Variants in KIF26B observed in about 807,000 individuals in gnomAD.
KIF26B encodes the protein kinesin-like protein KIF26B.
Under a neutral mutation model 151.2 loss-of-function variants are expected in KIF26B, and 63 were observed. The observed-to-expected ratio is 0.42, with a 90% confidence interval of 0.34 to 0.51. KIF26B has a LOEUF of 0.51. KIF26B is among the 20% of genes least tolerant of loss of function. The pLI, the probability that KIF26B is intolerant of heterozygous loss-of-function variation, is 0.07. For synonymous variants in KIF26B, 1,357 were observed against 1,262.1 expected, an observed-to-expected ratio of 1.08 and a Z score of -1.59; for missense variants, 2,813 against 2,913.6, an observed-to-expected ratio of 0.97 and a Z score of 0.79.
intron 9 of KIF26B, among the ~76,000 whole-genome samples, chr1:245,622,794 C>T (rs2043678462): frequency 6.6e-6 from 1 of 152,138 alleles, no homozygotes; most frequent in South Asian, 2.1e-4. Context: ...GGAGGAGCAG[C>T]ATTCCGCTGC....
chr1:245,436,610 AC>A (rs1450046782), intron 4 of KIF26B, among the ~76,000 whole-genome samples: 1 of 152,114 alleles, frequency 6.6e-6, no homozygotes, highest in East Asian at 1.9e-4. Flanking sequence ...GATGAGGCCC[AC>A]CCACATGAAT....
chr1:245,178,165 G>A lies in KIF26B; in HGVS notation c.465+21482G>A, dbSNP rs868147840. 3.3e-5 allele frequency among the ~76,000 whole-genome samples: 5 copies of A among 152,234 alleles called. No homozygotes were observed. The South Asian group carries it at 8.3e-4, about 25-fold the overall frequency. On this transcript the variant is annotated intron_variant, in intron 2 of 14. Transcript: ENST00000407071. ...ACCTGTTCATCAGAATAATTCCTAC[G>A]CTTTGAGCCACTTATTCAAGTGATG... is the stretch of plus-strand genomic sequence containing the variant.
At chr1:245,519,536 A>G (rs183090741) in intron 4 of KIF26B, among the ~76,000 whole-genome samples, 37 of 149,564 alleles carry the variant, frequency 2.5e-4, no homozygotes, top group East Asian at 7.9e-4. Flanking sequence ...CCTGGGTGAC[A>G]GAGTAGAACC....
At chr1:245,622,461 C>G (rs1036524385) in intron 9 of KIF26B, among the ~76,000 whole-genome samples, 1 of 152,222 alleles carries the variant, frequency 6.6e-6, no homozygotes, top group Admixed American at 6.5e-5. Context: ...AGTGCTGCAT[C>G]AGCCTTGTCC....
At chr1:245,396,961 CCTT>C (rs1558150084) in intron 3 of KIF26B, among the ~76,000 whole-genome samples, 6 of 97,036 alleles carry the variant, frequency 6.2e-5, no homozygotes, top group African/African-American at 3.0e-4. Context: ...CATTTCTACT[CCTT>C]TTTTTTTTTT....
rs553145330 is a variant in KIF26B at position 245,342,126 on chromosome 1, G to A, written c.466-24708G>A. Reference sequence around the variant, plus strand: ...CAAACCTTGTTAGTCTTTGGCCGTAGACATTTAATTCTGAGCCCTGGATGG... The same window carrying A: ...CAAACCTTGTTAGTCTTTGGCCGTAAACATTTAATTCTGAGCCCTGGATGG... On this transcript the variant is annotated intron_variant, in intron 2 of 14. Coordinates refer to ENST00000407071, the MANE Select transcript of KIF26B (RefSeq NM_018012.4). Among the ~76,000 whole-genome samples the A allele has an allele frequency of 3.3e-5, 5 of 152,328 alleles. No individual in the cohort carries two copies. The East Asian group carries it at 9.6e-4, about 29-fold the overall frequency.
chr1:245,500,182 G>A (rs372404670), intron 4 of KIF26B, among the ~76,000 whole-genome samples: 3 of 152,130 alleles, frequency 2.0e-5, no homozygotes, highest in Non-Finnish European at 1.5e-5. Flanking sequence ...GAAAGCTGTC[G>A]ACTTTCCTTA....
intron 4 of KIF26B, among the ~76,000 whole-genome samples, chr1:245,452,532 C>T (rs903402735): frequency 8.5e-5 from 13 of 152,106 alleles, no homozygotes; most frequent in East Asian, 3.9e-4. Flanking sequence ...TTTTCCACAG[C>T]GGCTGCCCAT....
chr1:245,365,182 ACT>A (rs1340123796), intron 2 of KIF26B, among the ~76,000 whole-genome samples: 1 of 151,724 alleles, frequency 6.6e-6, no homozygotes, highest in African/African-American at 2.4e-5. Flanking sequence ...GTGATTAGAG[ACT>A]CTCTGGCCCT....
intron 4 of KIF26B, among the ~76,000 whole-genome samples, chr1:245,523,379 T>A (rs1253184278): frequency 2.0e-5 from 3 of 152,232 alleles, no homozygotes; most frequent in African/African-American, 4.8e-5. Context: ...CCTTGAGCAA[T>A]TCTCTACTCT....
intron 2 of KIF26B, among the ~76,000 whole-genome samples, chr1:245,342,341 G>A (rs1379894516): frequency 6.6e-6 from 1 of 152,208 alleles, no homozygotes; most frequent in African/African-American, 2.4e-5. Flanking sequence ...AGAAAGAAAA[G>A]TGCAGAGACA....
chr1:245,223,226 G>C (rs1377241799), intron 2 of KIF26B, among the ~76,000 whole-genome samples: 1 of 152,220 alleles, frequency 6.6e-6, no homozygotes, highest in Non-Finnish European at 1.5e-5. Context: ...GAGAACCCCT[G>C]CTGGAATCCA....
At chr1:245,590,053 A>C (rs532814342) in intron 5 of KIF26B, among the ~76,000 whole-genome samples, 1 of 152,070 alleles carries the variant, frequency 6.6e-6, no homozygotes, top group East Asian at 1.9e-4. Context: ...CAGTCGTAAC[A>C]CATGAGTGAG....
At chr1:245,673,669 T>C (rs996092936) in intron 10 of KIF26B, 14 of 152,256 alleles carry the variant, frequency 9.2e-5, no homozygotes, top group African/African-American at 3.1e-4. Context: ...ACATCAAATA[T>C]AAACTTCACA....
chr1:245,221,642 G>A (rs1669776424), intron 2 of KIF26B, among the ~76,000 whole-genome samples: 3 of 152,142 alleles, frequency 2.0e-5, no homozygotes, highest in Non-Finnish European at 4.4e-5. Flanking sequence ...CCTGACATCA[G>A]GTGGTCAGCT....
intron 6 of KIF26B, among the ~76,000 whole-genome samples, chr1:245,605,967 G>T (rs547290708): frequency 6.6e-6 from 1 of 152,268 alleles, no homozygotes; most frequent in South Asian, 2.1e-4. Context: ...TGATTTCTCA[G>T]CCTCCTGCCT....
intron 9 of KIF26B, among the ~76,000 whole-genome samples, chr1:245,645,309 C>A (rs116499915): frequency 8.2e-4 from 125 of 152,258 alleles, no homozygotes; most frequent in African/African-American, 2.9e-3. Flanking sequence ...ACACAAACAT[C>A]CAAACTACAT....
intron 4 of KIF26B, among the ~76,000 whole-genome samples, chr1:245,487,424 C>A (rs1417923028): frequency 6.6e-6 from 1 of 152,136 alleles, no homozygotes; most frequent in Non-Finnish European, 1.5e-5. Flanking sequence ...TACGTGCTGG[C>A]CAGTACTCTA....
chr1:245,408,132 G>A (rs547774725), intron 3 of KIF26B, among the ~76,000 whole-genome samples: 68 of 152,264 alleles, frequency 4.5e-4, no homozygotes, highest in African/African-American at 1.6e-3. Flanking sequence ...CATCAGGGTT[G>A]AGTTGATTAG....
Sources: allele counts gnomAD v4.1 joint callset (sites outside exome capture counted in the v4.1 genomes callset), GRCh38; gene constraint gnomAD v4.1.1; transcripts MANE v1.5; gene names NCBI Gene and HGNC (gene_info 2026-07-23, HGNC 2026-07-21).